The following PABIR2 variants were observed in gnomAD, a reference collection of about 807,000 sequenced individuals.
PABIR2 encodes the protein PABIR family member 2.
PABIR2 carries 7 observed loss-of-function variants against 22.8 expected under a neutral mutation model. The ratio of observed to expected loss-of-function variants is 0.31; its 90% confidence interval spans 0.17 to 0.58. The LOEUF (loss-of-function observed/expected upper bound fraction) is 0.58. PABIR2 is among the 20% of genes least tolerant of loss of function. The pLI is 0.89. For missense variants in PABIR2, 155 were observed against 205.1 expected (o/e 0.76, Z 1.49); for synonymous variants, 67 against 73.8 (o/e 0.91, Z 0.47).
chrX:134,771,623 G>A lies in PABIR2; in HGVS notation c.*516C>T. 1 of 858,917 alleles carries A rather than the reference G, an allele frequency of 1.2e-6. No homozygotes were observed. Among genetic ancestry groups the A allele is most frequent in the Non-Finnish European group, 1.4e-6 (1 of 705,332 alleles). The allele number at this position is 858,917 out of a possible 1,213,427, so 70.8% of individuals were successfully genotyped here. A position where few individuals can be genotyped will look rare whatever the true frequency, so the allele number is the denominator to read the frequency against. On this transcript the variant is annotated 3_prime_UTR_variant, in exon 10 of 10. Transcript: ENST00000343004. The stretch of plus-strand genomic sequence containing the variant: ...AAACAGGAAAGGGAAACAAAATAAT[G>A]TACTTGAAGCTGATGCAGAAAAATA...
At chrX:134,791,374 T>G (rs184976052) in intron 2 of PABIR2, among the ~76,000 whole-genome samples, 41 of 110,641 alleles carry the variant, frequency 3.7e-4, no homozygotes, top group African/African-American at 1.3e-3. Context: ...AGAAGCAGCA[T>G]GATTACAAAC....
At chrX:134,775,386 C>T (rs1280146992) in intron 9 of PABIR2, among the ~76,000 whole-genome samples, 4 of 108,433 alleles carry the variant, frequency 3.7e-5, no homozygotes, top group East Asian at 2.9e-4. Context: ...GGCGTGGTGG[C>T]GGGCGCCTGT....
At chrX:134,791,190 G>A (rs1383047063) in intron 2 of PABIR2, among the ~76,000 whole-genome samples, 1 of 110,152 alleles carries the variant, frequency 9.1e-6, no homozygotes, top group Non-Finnish European at 1.9e-5. Context: ...ACAGGGCAAT[G>A]TGTCGGCTTA....
At chrX:134,791,602 C>G (rs1046078868) in intron 2 of PABIR2, 2 of 326,824 alleles carry the variant, frequency 6.1e-6, no homozygotes, top group African/African-American at 5.4e-5. Context: ...ATAGACCGAG[C>G]AAAGCAACAG....
chrX:134,794,161 T>C (rs1157888330), intron 1 of PABIR2: 12 of 312,706 alleles, frequency 3.8e-5, no homozygotes, highest in Non-Finnish European at 4.7e-5. Context: ...TCCAGACTGG[T>C]TGACTCTAGC....
At chrX:134,786,172 T>C (rs1178370329) in intron 7 of PABIR2, among the ~76,000 whole-genome samples, 4 of 112,012 alleles carry the variant, frequency 3.6e-5, no homozygotes, top group Admixed American at 9.5e-5. Flanking sequence ...AAATATTCTA[T>C]ATGACAAAAT....
chrX:134,774,469 T>C, intron 9 of PABIR2, among the ~76,000 whole-genome samples: 1 of 111,556 alleles, frequency 9.0e-6, no homozygotes, highest in South Asian at 3.8e-4. Context: ...AATTCTTTAT[T>C]CTAACCACCA....
chrX:134,784,631 C>A (rs1025786852), intron 8 of PABIR2, among the ~76,000 whole-genome samples: 6 of 110,182 alleles, frequency 5.4e-5, no homozygotes, highest in Admixed American at 4.9e-4. Flanking sequence ...CACAAGCCAC[C>A]AACGCCTGCT....
At position 134,789,654 on chromosome X, in the gene PABIR2, A is replaced by G. The variant is rs781058127; in HGVS notation, c.178-18T>C. On this transcript the variant is annotated intron_variant, in intron 2 of 9. Coordinates refer to ENST00000343004, the MANE Select transcript of PABIR2 (RefSeq NM_001387468.1). ...GACAGCAACTGGAAAGAAAAAGTAA[A>G]CATTTACTATTTTCTGAATCACAAA... 1.8e-6 allele frequency: 2 copies of G among 1,139,418 alleles called. No individual in the cohort carries two copies. The highest frequency in any genetic ancestry group is 3.6e-5 in the African/African-American group (2 of 55,638). 93.9% of individuals were successfully genotyped at this position (1,139,418 alleles called of 1,213,427 possible). A position where few individuals can be genotyped will look rare whatever the true frequency, so the allele number is the denominator to read the frequency against.
At chrX:134,781,987 G>C in intron 8 of PABIR2, 70 bp from the exon 9 acceptor site, 1 of 745,060 alleles carries the variant, frequency 1.3e-6, no homozygotes, top group Non-Finnish European at 1.9e-6. Flanking sequence ...AACATATGAT[G>C]ACCTTTGTTT....
At chrX:134,786,379 G>T (rs762489437) in intron 7 of PABIR2, among the ~76,000 whole-genome samples, 1 of 110,191 alleles carries the variant, frequency 9.1e-6, no homozygotes, top group East Asian at 2.9e-4. Flanking sequence ...TTAGCCAGGC[G>T]TGGTGGTGCA....
chrX:134,789,002 G>C, intron 5 of PABIR2, 83 bp downstream of exon 5: 1 of 1,128,098 alleles, frequency 8.9e-7, no homozygotes, highest in Non-Finnish European at 1.2e-6. Flanking sequence ...GGGGAAAGAA[G>C]TGTGCGAAAA....
chrX:134,788,059 G>GTT (rs1569430053), intron 6 of PABIR2, among the ~76,000 whole-genome samples: 1 of 105,168 alleles, frequency 9.5e-6, no homozygotes, highest in East Asian at 2.9e-4. Context: ...TAATATACAC[G>GTT]TTATATATAT....
In PABIR2 at chrX:134,788,815, T is replaced by C. The variant is rs1292193147; in HGVS notation, c.350A>G (p.Asp117Gly). The C allele has an allele frequency of 8.3e-7, 1 of 1,204,186 alleles. No individual in the cohort carries two copies. The highest frequency in any genetic ancestry group is 1.1e-6 in the Non-Finnish European group (1 of 891,925). The change falls in exon 6 of 10, where the codon GAC becomes GGC. Residue 117 changes from aspartate to glycine, a missense_variant. By Grantham distance (94) the Asp-to-Gly change is moderately conservative. Transcript: ENST00000343004. ...ESLSLSDSDF[D>G]KPEKLYSPKR... ...AGGAGAATATAATTTCTCCGGCTTG[T>C]CAAAATCACTGTCACTCTGTAAACA...
intron 6 of PABIR2, among the ~76,000 whole-genome samples, chrX:134,787,953 G>T (rs1220614987): frequency 9.3e-6 from 1 of 107,706 alleles, no homozygotes; most frequent in Admixed American, 1.0e-4. Flanking sequence ...TTTTCAAAAG[G>T]TTCTTTTCAA....
chrX:134,783,598 A>C (rs747557081), intron 8 of PABIR2, among the ~76,000 whole-genome samples: 1 of 111,136 alleles, frequency 9.0e-6, no homozygotes, highest in South Asian at 3.8e-4. Flanking sequence ...GGTGGTGTGC[A>C]CCTGTAATCC....
intron 1 of PABIR2, chrX:134,794,134 G>A: frequency 2.0e-6 from 1 of 488,732 alleles, no homozygotes; most frequent in Non-Finnish European, 2.5e-6. Flanking sequence ...AGCTGGGAGA[G>A]GTGATGCAGG....
Position 134,772,091 on chromosome X carries a change from T to C in PABIR2, c.*48A>G, listed in dbSNP as rs778475533. ...AGTTCTCTGCGTTCCCCACTAAACATTTTATGTAGGAAACAGCAGTTAAAA... is the reference window on the plus strand; with the variant it reads ...AGTTCTCTGCGTTCCCCACTAAACACTTTATGTAGGAAACAGCAGTTAAAA... On this transcript the variant is annotated 3_prime_UTR_variant, in exon 10 of 10. Transcript: ENST00000343004. 5 of 1,152,700 alleles carry C rather than the reference T, an allele frequency of 4.3e-6. No individual in the cohort carries two copies. Among genetic ancestry groups the C allele is most frequent in the African/African-American group, 1.8e-5 (1 of 55,560 alleles). The allele number at this position is 1,152,700 out of a possible 1,213,427, so 95.0% of individuals were successfully genotyped here.
chrX:134,778,183 C>T (rs2079045333), intron 9 of PABIR2, among the ~76,000 whole-genome samples: 1 of 101,426 alleles, frequency 9.9e-6, no homozygotes, highest in Non-Finnish European at 2.0e-5. Flanking sequence ...CGTGAGCCAC[C>T]GTGCTTGGCC....
Sources: allele counts gnomAD v4.1 joint callset (sites outside exome capture counted in the v4.1 genomes callset), GRCh38; gene constraint gnomAD v4.1.1; transcripts MANE v1.5; gene names NCBI Gene and HGNC (gene_info 2026-07-23, HGNC 2026-07-21).